Variants in EYA2 observed in about 807,000 individuals in gnomAD.
EYA2 encodes the protein protein phosphatase EYA2.
In EYA2, 31 loss-of-function variants were observed where a neutral mutation model predicts 69.2. The observed-to-expected ratio is 0.45, with a 90% CI of 0.34 to 0.60. The LOEUF (loss-of-function observed/expected upper bound fraction) is 0.60, where lower values mean the gene tolerates loss of function less well. EYA2 is among the 20% of genes least tolerant of loss of function. The pLI, the probability that EYA2 is intolerant of heterozygous loss-of-function variation, is 0.02. For synonymous variants in EYA2, 257 were observed against 279.4 expected, an observed-to-expected ratio of 0.92 and a Z score of 0.80; for missense variants, 622 against 701.2, an observed-to-expected ratio of 0.89 and a Z score of 1.28.
At position 46,937,887 on chromosome 20, in the gene EYA2, CAG is replaced by C. The variant is rs1177292482; in HGVS notation, c.-11+42901_-11+42902del. Among the ~76,000 whole-genome samples, 16 of 152,210 alleles carry C rather than the reference CAG, an allele frequency of 1.1e-4. No individual in the cohort carries two copies. In the East Asian group the frequency reaches 2.7e-3, roughly 26 times the overall value. On this transcript the variant is annotated intron_variant, in intron 1 of 15. Coordinates refer to ENST00000327619, the MANE Select transcript of EYA2 (RefSeq NM_005244.5). The stretch of plus-strand genomic sequence containing the variant: ...ATTTGCCAGGTCTGCGTGCCAGGCT[CAG>C]GGGTTTCAAAGAGAGCATGGCATAT...
Position 46,912,995 on chromosome 20 carries a change from C to T in EYA2, c.-11+18008C>T, listed in dbSNP as rs140678577. 5.4e-3 allele frequency among the ~76,000 whole-genome samples: 827 copies of T among 152,246 alleles called. 4 individuals are homozygous for T. Among genetic ancestry groups the T allele is most frequent in the Non-Finnish European group, 8.5e-3 (581 of 68,006 alleles). ...GATTACAGGCGTGAGCCACCGCGCC[C>T]GGCCTTAATTTTAATTTTAAATAGG... On this transcript the variant is annotated intron_variant, in intron 1 of 15. Transcript: ENST00000327619.
At chr20:46,960,626 C>G (rs1979417488) in intron 1 of EYA2, among the ~76,000 whole-genome samples, 1 of 152,126 alleles carries the variant, frequency 6.6e-6, no homozygotes, top group African/African-American at 2.4e-5. Flanking sequence ...GTCTCATAGG[C>G]CAAATCCAAT....
intron 9 of EYA2, chr20:47,117,652 AAAAG>A (rs1305130054): frequency 1.7e-5 from 17 of 985,252 alleles, no homozygotes; most frequent in African/African-American, 3.5e-5. Flanking sequence ...AATAAAAAGA[AAAAG>A]AAAAAGAAAA....
At chr20:47,028,941 A>G (rs560762975) in intron 5 of EYA2, among the ~76,000 whole-genome samples, 1 of 150,594 alleles carries the variant, frequency 6.6e-6, no homozygotes, top group South Asian at 2.1e-4. Context: ...AAATTAAAAA[A>G]AAACAAATGC....
At chr20:47,161,528 C>T in intron 10 of EYA2, 1 of 418,730 alleles carries the variant, frequency 2.4e-6, no homozygotes, top group Non-Finnish European at 4.7e-6. Flanking sequence ...CCAGGTGGCC[C>T]AGCTTGGGGA....
At position 47,170,642 on chromosome 20, in the gene EYA2, G is replaced by A. The variant is rs12625975; in HGVS notation, c.1037+1445G>A. On this transcript the variant is annotated intron_variant, in intron 11 of 15. Transcript: ENST00000327619. ...AGCCTGGGGTACAGAGCGAGACTCC[G>A]TCTCAAAAAAAAAAAAAAAAGAGAG... Among the ~76,000 whole-genome samples, 2,517 of 147,140 alleles carry A rather than the reference G, an allele frequency of 0.017. 107 individuals are homozygous for A. The East Asian group carries it at 0.17, about 10-fold the overall frequency.
At chr20:47,065,024 T>C (rs572992079) in intron 5 of EYA2, among the ~76,000 whole-genome samples, 1 of 152,308 alleles carries the variant, frequency 6.6e-6, no homozygotes, top group South Asian at 2.1e-4. Flanking sequence ...AGTCACGTCT[T>C]ACATGGTGGC....
intron 10 of EYA2, among the ~76,000 whole-genome samples, chr20:47,144,082 G>A (rs557360597): frequency 3.3e-5 from 5 of 152,224 alleles, no homozygotes; most frequent in Non-Finnish European, 7.3e-5. Context: ...AACCGGCCGG[G>A]CGCGGTGGCT....
intron 8 of EYA2, among the ~76,000 whole-genome samples, chr20:47,095,180 G>A (rs188118196): frequency 1.3e-4 from 20 of 152,124 alleles, no homozygotes; most frequent in African/African-American, 4.6e-4. Context: ...GAGGCTACTG[G>A]GAAAGGAATA....
At chr20:46,976,920 G>A (rs189335891) in intron 1 of EYA2, among the ~76,000 whole-genome samples, 9 of 152,214 alleles carry the variant, frequency 5.9e-5, no homozygotes, top group South Asian at 2.1e-4. Flanking sequence ...TGTGGAATTC[G>A]TTCTCATAAC....
Position 46,990,042 on chromosome 20 carries a change from C to T in EYA2, c.32C>T (p.Thr11Ile), listed in dbSNP as rs373212199. The change falls in exon 2 of 16, where the codon ACT (threonine) becomes ATT (isoleucine). Residue 11 changes from threonine (T) to isoleucine (I), a missense_variant. Coordinates refer to ENST00000327619, the MANE Select transcript of EYA2 (RefSeq NM_005244.5). ...GAACTAGTGATCTCACCCAGCCTCA[C>T]TGTAAACAGCGATTGTCTGGATAAA... MVELVISPSL[T>I]VNSDCLDKLK... The T allele has an allele frequency of 3.7e-6, 6 of 1,611,390 alleles. No homozygotes were observed. In the African/African-American group the frequency reaches 8.0e-5, roughly 22 times the overall value.
intron 5 of EYA2, among the ~76,000 whole-genome samples, chr20:47,017,016 C>T: frequency 6.6e-6 from 1 of 152,198 alleles, no homozygotes. Flanking sequence ...CAAGGCTCTG[C>T]AGCCCTAGAG....
intron 4 of EYA2, among the ~76,000 whole-genome samples, chr20:47,013,032 T>G (rs1026308421): frequency 2.0e-5 from 3 of 152,240 alleles, no homozygotes; most frequent in African/African-American, 7.2e-5. Context: ...GATTAGAATT[T>G]TATGATCCAA....
chr20:46,978,912 T>C (rs1197269585), intron 1 of EYA2, among the ~76,000 whole-genome samples: 1 of 152,190 alleles, frequency 6.6e-6, no homozygotes, highest in African/African-American at 2.4e-5. Context: ...GCCAAGATGG[T>C]TTGTGATTCA....
At chr20:47,000,486 CAG>C (rs1248141961) in intron 2 of EYA2, among the ~76,000 whole-genome samples, 1 of 151,926 alleles carries the variant, frequency 6.6e-6, no homozygotes, top group African/African-American at 2.4e-5. Flanking sequence ...CCCTACAGAA[CAG>C]GGAGTGGGCA....
intron 4 of EYA2, among the ~76,000 whole-genome samples, chr20:47,012,749 C>T (rs1983149087): frequency 6.6e-6 from 1 of 152,212 alleles, no homozygotes; most frequent in Non-Finnish European, 1.5e-5. Flanking sequence ...CCACCTCAGC[C>T]TCCCAAAGTG....
intron 1 of EYA2, among the ~76,000 whole-genome samples, chr20:46,953,853 G>T (rs1383093660): frequency 1.3e-5 from 2 of 152,136 alleles, no homozygotes; most frequent in African/African-American, 4.8e-5. Context: ...AGGAGCAAAG[G>T]AGCTCTCGTT....
Position 47,015,149 on chromosome 20 carries a change from G to A in EYA2, c.299-1032G>A, listed in dbSNP as rs147888252. Among the ~76,000 whole-genome samples the A allele has an allele frequency of 5.1e-3, 784 of 152,308 alleles. 7 individuals are homozygous for A. Among genetic ancestry groups the A allele is most frequent in the African/African-American group, 0.018 (734 of 41,556 alleles). On this transcript the variant is annotated intron_variant, in intron 4 of 15. Transcript: ENST00000327619. ...TGTGTTCCATAAAGCTGGTAATCGT[G>A]GTTGCCTATAGGCAGAAGAGCTGGG...
At chr20:47,139,622 G>A (rs1164019093) in intron 9 of EYA2, among the ~76,000 whole-genome samples, 3 of 152,050 alleles carry the variant, frequency 2.0e-5, no homozygotes, top group African/African-American at 7.3e-5. Context: ...TGGAGACGGG[G>A]TTTCTCCATG....
Sources: allele counts gnomAD v4.1 joint callset (sites outside exome capture counted in the v4.1 genomes callset), GRCh38; gene constraint gnomAD v4.1.1; transcripts MANE v1.5; gene names NCBI Gene and HGNC (gene_info 2026-07-23, HGNC 2026-07-21).